The following H2BK1 variants were observed in gnomAD, a reference collection of about 807,000 sequenced individuals.
H2BK1 encodes the protein H2B.K variant histone 1, also known as histone H2B type 2-K1.
At chr7:151,210,062 G>A in the H2BK1 span, 1 of 395,858 alleles carries the variant, frequency 2.5e-6, no homozygotes. Context: ...CTCAAGAGGG[G>A]CCAGGCCTGC....
At chr7:151,208,176 A>G in the H2BK1 span, 1 of 1,524,646 alleles carries the variant, frequency 6.6e-7, no homozygotes, top group South Asian at 1.1e-5. Flanking sequence ...CCTACACTGC[A>G]AGCCTCAGCC....
the H2BK1 span, among the ~76,000 whole-genome samples, chr7:151,208,494 CTT>C: frequency 1.3e-5 from 2 of 152,206 alleles, no homozygotes; most frequent in Non-Finnish European, 2.9e-5. Context: ...CCATTCCTCT[CTT>C]CACGAATATT....
At chr7:151,207,980 G>A in the H2BK1 span, 5 of 1,478,214 alleles carry the variant, frequency 3.4e-6, no homozygotes, top group Non-Finnish European at 4.7e-6. Flanking sequence ...TTCTCGGGAT[G>A]TCAGGGTGGT....
the H2BK1 span, chr7:151,210,355 G>T: frequency 2.9e-6 from 1 of 342,336 alleles, no homozygotes; most frequent in African/African-American, 2.1e-5. Flanking sequence ...CCACCCCCTT[G>T]GAGCTACTTT....
the H2BK1 span, chr7:151,210,354 T>C: frequency 8.6e-6 from 3 of 350,616 alleles, no homozygotes; most frequent in Admixed American, 1.4e-4. Context: ...CCCACCCCCT[T>C]GGAGCTACTT....
the H2BK1 span, among the ~76,000 whole-genome samples, chr7:151,209,210 G>A: frequency 1.3e-5 from 2 of 151,996 alleles, no homozygotes; most frequent in South Asian, 2.1e-4. Context: ...AAGGCTCAGC[G>A]ATACCCACTC....
the H2BK1 span, chr7:151,208,153 A>G: frequency 6.7e-5 from 62 of 927,654 alleles, no homozygotes; most frequent in Admixed American, 2.9e-4. Flanking sequence ...GGGCCAGGGG[A>G]GGGGGGGTCC....
At chr7:151,210,341 T>C in the H2BK1 span, 8 of 287,984 alleles carry the variant, frequency 2.8e-5, no homozygotes, top group East Asian at 5.4e-4. Context: ...CGAATAGCCC[T>C]CACCCACCCC....
the H2BK1 span, among the ~76,000 whole-genome samples, chr7:151,208,848 GC>G: frequency 6.6e-6 from 1 of 152,202 alleles, no homozygotes; most frequent in East Asian, 1.9e-4. Context: ...GGAACTGATG[GC>G]AGTTCTAAAA....
the H2BK1 span, among the ~76,000 whole-genome samples, chr7:151,209,109 G>C: frequency 2.0e-5 from 3 of 152,068 alleles, no homozygotes; most frequent in Non-Finnish European, 2.9e-5. Context: ...AGGTTGAGGG[G>C]TTGGCCCTCA....
At chr7:151,209,597 T>C in the H2BK1 span, among the ~76,000 whole-genome samples, 1 of 152,012 alleles carries the variant, frequency 6.6e-6, no homozygotes, top group Non-Finnish European at 1.5e-5. Flanking sequence ...AGCCCCAGTG[T>C]GTTGGGGAGA....
the H2BK1 span, among the ~76,000 whole-genome samples, chr7:151,209,350 C>G: frequency 6.9e-6 from 1 of 145,320 alleles, no homozygotes; most frequent in Non-Finnish European, 1.5e-5. Context: ...TGTCAATTCA[C>G]TAAACCGCTA....
chr7:151,209,999 C>T, the H2BK1 span, among the ~76,000 whole-genome samples: 20 of 152,266 alleles, frequency 1.3e-4, no homozygotes, highest in African/African-American at 2.6e-4. Context: ...CTCCTATCAC[C>T]GGTGCCCAAG....
chr7:151,209,081 G>A, the H2BK1 span, among the ~76,000 whole-genome samples: 1 of 151,276 alleles, frequency 6.6e-6, no homozygotes, highest in East Asian at 2.0e-4. Flanking sequence ...TCTCCTTAGA[G>A]CTCTCACCCA....
the H2BK1 span, among the ~76,000 whole-genome samples, chr7:151,208,657 A>G: frequency 6.6e-6 from 1 of 152,166 alleles, no homozygotes; most frequent in Non-Finnish European, 1.5e-5. Context: ...AACTTGGTGG[A>G]GCACATAACC....
the H2BK1 span, chr7:151,208,045 G>T: frequency 2.5e-6 from 4 of 1,614,024 alleles, no homozygotes; most frequent in Non-Finnish European, 3.4e-6. Context: ...GCTCAAACAC[G>T]TCGTTTACAA....
the H2BK1 span, among the ~76,000 whole-genome samples, chr7:151,209,281 A>G: frequency 8.6e-5 from 13 of 151,808 alleles, no homozygotes; most frequent in Non-Finnish European, 1.8e-4. Flanking sequence ...CAGCCAACCC[A>G]TATCAGTGCT....
At chr7:151,209,260 G>A in the H2BK1 span, among the ~76,000 whole-genome samples, 2 of 151,962 alleles carry the variant, frequency 1.3e-5, no homozygotes, top group African/African-American at 4.8e-5. Context: ...CTGTCCTCTG[G>A]TGCATCTCTT....
At chr7:151,210,476 C>T in the H2BK1 span, 1 of 394,396 alleles carries the variant, frequency 2.5e-6, no homozygotes, top group African/African-American at 2.1e-5. Flanking sequence ...TGAACATGCT[C>T]TGGGCTAACC....
Sources: allele counts gnomAD v4.1 joint callset (sites outside exome capture counted in the v4.1 genomes callset), GRCh38; gene constraint gnomAD v4.1.1; transcripts MANE v1.5; gene names NCBI Gene and HGNC (gene_info 2026-07-23, HGNC 2026-07-21).